GHR: variants seen among roughly 807,000 people sequenced by gnomAD.
GHR encodes the protein growth hormone receptor, also known as GH receptor.
A neutral mutation model predicts 67.1 loss-of-function variants in GHR; 35 were observed. That is an observed-to-expected ratio of 0.52 (90% CI 0.40 to 0.69). GHR has a LOEUF of 0.69. Among genes scored for constraint, GHR ranks in the 30% least tolerant of loss-of-function variants. The probability of loss-of-function intolerance (pLI) is 0.00; values close to 1 mark genes in which losing one functional copy is unlikely to be tolerated. For missense variants in GHR, 792 were observed against 764.6 expected (o/e 1.04, Z -0.42); for synonymous variants, 272 against 269.1 (o/e 1.01, Z -0.10).
chr5:42,591,609 C>A (rs1207108038), intron 2 of GHR, among the ~76,000 whole-genome samples: 2 of 152,038 alleles, frequency 1.3e-5, no homozygotes, highest in Admixed American at 6.5e-5. Context: ...CATCTAAAAG[C>A]CTCCAAAGTT....
intron 1 of GHR, among the ~76,000 whole-genome samples, chr5:42,506,407 A>C (rs931707256): frequency 6.6e-6 from 1 of 152,202 alleles, no homozygotes. Context: ...TAATGAACTA[A>C]CAAAAGCAAA....
chr5:42,700,070 A>C (rs1757862113), intron 6 of GHR, 68 bp downstream of exon 6: 5 of 957,876 alleles, frequency 5.2e-6, no homozygotes, highest in Non-Finnish European at 8.3e-6. Flanking sequence ...CTCATTTATC[A>C]TTAGACTTTC....
intron 1 of GHR, among the ~76,000 whole-genome samples, chr5:42,508,435 G>T (rs957965995): frequency 6.6e-6 from 1 of 152,214 alleles, no homozygotes; most frequent in Non-Finnish European, 1.5e-5. Context: ...ACTCTTGCCA[G>T]CCTCTGCAAT....
intron 2 of GHR, among the ~76,000 whole-genome samples, chr5:42,623,143 T>A (rs4292454): frequency 6.6e-6 from 1 of 151,946 alleles, no homozygotes; most frequent in African/African-American, 2.4e-5. Flanking sequence ...ATATTGTAAA[T>A]GAAATGATTT....
chr5:42,538,009 A>T (rs184299578), intron 1 of GHR, among the ~76,000 whole-genome samples: 13 of 152,186 alleles, frequency 8.5e-5, no homozygotes, highest in African/African-American at 3.1e-4. Context: ...TTTGCATGAA[A>T]TGCCTTTTTC....
intron 1 of GHR, among the ~76,000 whole-genome samples, chr5:42,482,640 T>C (rs1410888558): frequency 6.6e-6 from 1 of 152,172 alleles, no homozygotes; most frequent in Non-Finnish European, 1.5e-5. Context: ...ACTGCTGTGC[T>C]AGCAATGAGC....
At chr5:42,715,650 C>T (rs1373339725) in intron 8 of GHR, among the ~76,000 whole-genome samples, 4 of 152,042 alleles carry the variant, frequency 2.6e-5, no homozygotes, top group South Asian at 2.1e-4. Flanking sequence ...AAACCAGTAG[C>T]GAAATTCAGC....
intron 2 of GHR, among the ~76,000 whole-genome samples, chr5:42,602,813 C>A (rs1023433821): frequency 6.6e-6 from 1 of 152,136 alleles, no homozygotes; most frequent in Non-Finnish European, 1.5e-5. Flanking sequence ...CTACTAATAT[C>A]CCAATGTACA....
At chr5:42,614,182 T>C (rs1218631071) in intron 2 of GHR, among the ~76,000 whole-genome samples, 1 of 152,142 alleles carries the variant, frequency 6.6e-6, no homozygotes, top group Non-Finnish European at 1.5e-5. Context: ...TTTCTTCCCA[T>C]TGGAAGTCTA....
At chr5:42,546,046 C>A (rs1262458719) in intron 1 of GHR, among the ~76,000 whole-genome samples, 1 of 152,120 alleles carries the variant, frequency 6.6e-6, no homozygotes, top group Non-Finnish European at 1.5e-5. Context: ...AGATAAGGAG[C>A]AGTATCTTCT....
At position 42,588,382 on chromosome 5, in the gene GHR, T is replaced by C. The variant is rs1203271037; in HGVS notation, c.70+22438T>C. Among the ~76,000 whole-genome samples the C allele has an allele frequency of 2.0e-5, 3 of 151,862 alleles. No individual in the cohort carries two copies. The South Asian group carries it at 6.2e-4, about 32-fold the overall frequency. ...AAAATACAAAAAAATTAGCCAGGCT[T>C]GGTGGCACACGCCTGTAGTCCCAGC... On this transcript the variant is annotated intron_variant, in intron 2 of 9. Transcript: ENST00000230882.
At chr5:42,473,917 G>A (rs867042566) in intron 1 of GHR, among the ~76,000 whole-genome samples, 5 of 151,660 alleles carry the variant, frequency 3.3e-5, no homozygotes, top group Admixed American at 6.6e-5. Context: ...GCCAGGCGTG[G>A]TGGTTCATGC....
chr5:42,716,761 T>A (rs559374666), intron 8 of GHR, among the ~76,000 whole-genome samples: 9 of 152,326 alleles, frequency 5.9e-5, no homozygotes, highest in Non-Finnish European at 1.2e-4. Context: ...ATGCAATTTA[T>A]AAAATGGATT....
chr5:42,658,735 A>G (rs1481460603), intron 3 of GHR, among the ~76,000 whole-genome samples: 1 of 152,140 alleles, frequency 6.6e-6, no homozygotes, highest in Non-Finnish European at 1.5e-5. Context: ...TCTAGTAGGT[A>G]GAGAGTAGGA....
chr5:42,438,078 A>G (rs1743410323), intron 1 of GHR, among the ~76,000 whole-genome samples: 1 of 152,160 alleles, frequency 6.6e-6, no homozygotes, highest in Admixed American at 6.5e-5. Flanking sequence ...TGTATTCTCT[A>G]CTTGTGGACA....
At chr5:42,614,274 C>T (rs1753030178) in intron 2 of GHR, among the ~76,000 whole-genome samples, 1 of 151,890 alleles carries the variant, frequency 6.6e-6, no homozygotes, top group South Asian at 2.1e-4. Context: ...AAAAGCGTAA[C>T]TTTCATTATT....
intron 1 of GHR, among the ~76,000 whole-genome samples, chr5:42,426,728 TTG>T (rs1742867268): frequency 6.6e-6 from 1 of 152,202 alleles, no homozygotes; most frequent in East Asian, 1.9e-4. Flanking sequence ...CCTCAGCCAA[TTG>T]TGTAAACAAG....
intron 2 of GHR, among the ~76,000 whole-genome samples, chr5:42,599,357 ATTTTTTTTTTT>A (rs36037535): frequency 1.9e-5 from 2 of 103,908 alleles, no homozygotes; most frequent in Non-Finnish European, 3.7e-5. Context: ...CCTACAGCAC[ATTTTTTTTTTT>A]TTTTTTTTTT....
At chr5:42,503,307 T>A (rs567315794) in intron 1 of GHR, among the ~76,000 whole-genome samples, 3 of 152,204 alleles carry the variant, frequency 2.0e-5, no homozygotes, top group Non-Finnish European at 4.4e-5. Context: ...AAATATGGAA[T>A]GTGCTAGTAA....
Sources: gnomAD v4.1 joint callset for allele counts (sites outside exome capture counted in the v4.1 genomes callset) on GRCh38, gnomAD v4.1.1 for gene constraint, MANE v1.5 for transcripts, NCBI Gene and HGNC (gene_info 2026-07-23, HGNC 2026-07-21) for gene names.